The following FBXL7 variants were observed in gnomAD, a reference collection of about 807,000 sequenced individuals.
FBXL7 encodes the protein F-box/LRR-repeat protein 7.
In FBXL7, 12 loss-of-function variants were observed where a neutral mutation model predicts 38.3. That is an observed-to-expected ratio of 0.31 (90% CI 0.20 to 0.51). The LOEUF (loss-of-function observed/expected upper bound fraction) is 0.51, where lower values mean the gene tolerates loss of function less well. Ranked by LOEUF, FBXL7 falls within the 20% of genes least tolerant of loss-of-function variation. The pLI is 0.98. For synonymous variants in FBXL7, 297 were observed against 300.9 expected (o/e 0.99, Z 0.13); for missense variants, 567 against 676.4 (o/e 0.84, Z 1.79).
intron 2 of FBXL7, among the ~76,000 whole-genome samples, chr5:15,726,303 AG>A (rs1187820375): frequency 3.3e-5 from 5 of 152,250 alleles, no homozygotes; most frequent in Admixed American, 2.0e-4. Flanking sequence ...CTATTGTCCC[AG>A]CTACTCAAGA....
chr5:15,905,466 C>G (rs1457617061), intron 2 of FBXL7, among the ~76,000 whole-genome samples: 1 of 151,916 alleles, frequency 6.6e-6, no homozygotes, highest in African/African-American at 2.4e-5. Context: ...CACCCTGAGG[C>G]TTCCATCTGG....
intron 1 of FBXL7, among the ~76,000 whole-genome samples, chr5:15,556,373 T>C (rs1327436703): frequency 6.6e-6 from 1 of 152,106 alleles, no homozygotes; most frequent in African/African-American, 2.4e-5. Flanking sequence ...TTTGTTCATT[T>C]CAGGCCCTCC....
rs145770085 is a variant in FBXL7, at chr5:15,670,154, A to G, written c.127+54082A>G. ...ACCTTGGTTGAGTAGACTGATAAAT[A>G]TGTTGATATTTAATTGCATAGAGCA... is the stretch of plus-strand genomic sequence containing the variant. On this transcript the variant is annotated intron_variant, in intron 2 of 3. Transcript: ENST00000504595. Among the ~76,000 whole-genome samples the G allele has an allele frequency of 3.2e-3, 494 of 152,348 alleles. 1 individual carries two copies. The highest frequency in any genetic ancestry group is 5.5e-3 in the Non-Finnish European group (371 of 68,028).
intron 2 of FBXL7, among the ~76,000 whole-genome samples, chr5:15,860,497 G>T (rs1428974726): frequency 6.6e-6 from 1 of 152,170 alleles, no homozygotes; most frequent in Admixed American, 6.5e-5. Flanking sequence ...AAAAGTCCTA[G>T]TTGCACAGAT....
At chr5:15,606,780 T>A (rs1740040157) in intron 1 of FBXL7, 1 of 152,316 alleles carries the variant, frequency 6.6e-6, no homozygotes, top group East Asian at 1.9e-4. Flanking sequence ...CTGTCTCATG[T>A]TTTTTGCTCA....
chr5:15,929,191 C>A (rs1007991310), intron 3 of FBXL7, among the ~76,000 whole-genome samples: 3 of 152,192 alleles, frequency 2.0e-5, no homozygotes, highest in Non-Finnish European at 4.4e-5. Context: ...GATCACTTGC[C>A]ATTTTGTAGT....
chr5:15,641,604 G>C (rs575307689), intron 2 of FBXL7, among the ~76,000 whole-genome samples: 5 of 152,112 alleles, frequency 3.3e-5, no homozygotes, highest in Admixed American at 2.0e-4. Context: ...GGGTGTGTCT[G>C]AGTGTATTTC....
At chr5:15,771,177 C>T (rs565496010) in intron 2 of FBXL7, among the ~76,000 whole-genome samples, 2 of 152,278 alleles carry the variant, frequency 1.3e-5, no homozygotes, top group South Asian at 4.1e-4. Context: ...TTTTCAGTAC[C>T]TTTCAAGTCC....
At chr5:15,912,791 T>TGGCA (rs1381439768) in intron 2 of FBXL7, among the ~76,000 whole-genome samples, 1 of 152,100 alleles carries the variant, frequency 6.6e-6, no homozygotes, top group Non-Finnish European at 1.5e-5. Context: ...TTTGTGCTAT[T>TGGCA]TAATATTGGG....
rs149765433 is a variant in FBXL7, at chr5:15,782,813, G to T, written c.128-145077G>T. Among the ~76,000 whole-genome samples, 629 of 152,226 alleles carry T rather than the reference G, an allele frequency of 4.1e-3. 3 individuals are homozygous for T. Among genetic ancestry groups the T allele is most frequent in the Middle Eastern group, 0.017 (5 of 294 alleles). On this transcript the variant is annotated intron_variant, in intron 2 of 3. Coordinates refer to ENST00000504595, the MANE Select transcript of FBXL7 (RefSeq NM_012304.5). ...ATATTTTCTCCATTTTAATAGCCGA[G>T]GTTGGGATTGTGGGGGTGGCCAAAG... is the stretch of plus-strand genomic sequence containing the variant.
intron 2 of FBXL7, among the ~76,000 whole-genome samples, chr5:15,874,225 C>A (rs1272889525): frequency 6.6e-6 from 1 of 152,168 alleles, no homozygotes; most frequent in Non-Finnish European, 1.5e-5. Context: ...AACAGCCCTT[C>A]ATGCTAAAAA....
chr5:15,551,890 TAA>T (rs1359275793), intron 1 of FBXL7, among the ~76,000 whole-genome samples: 16 of 152,352 alleles, frequency 1.1e-4, no homozygotes, highest in Middle Eastern at 6.8e-3. Flanking sequence ...TTCTTTCTTG[TAA>T]AGAGTCCCTT....
intron 1 of FBXL7, among the ~76,000 whole-genome samples, chr5:15,554,490 G>T (rs1738175033): frequency 6.6e-6 from 1 of 152,168 alleles, no homozygotes; most frequent in African/African-American, 2.4e-5. Context: ...GTGAAGTGTA[G>T]GTACTTTTCT....
intron 2 of FBXL7, among the ~76,000 whole-genome samples, chr5:15,678,425 C>A (rs1434040178): frequency 6.6e-6 from 1 of 152,148 alleles, no homozygotes; most frequent in Non-Finnish European, 1.5e-5. Context: ...TGTAAGAAAG[C>A]ATGCCTTGAT....
At chr5:15,792,128 A>G (rs1022817744) in intron 2 of FBXL7, among the ~76,000 whole-genome samples, 2 of 152,188 alleles carry the variant, frequency 1.3e-5, no homozygotes, top group African/African-American at 4.8e-5. Flanking sequence ...ATATTCCTAA[A>G]GGCAGGAAAA....
chr5:15,678,655 T>C (rs1742737006), intron 2 of FBXL7, among the ~76,000 whole-genome samples: 1 of 152,186 alleles, frequency 6.6e-6, no homozygotes. Flanking sequence ...AATTGAATCA[T>C]GGGACTGGTT....
At chr5:15,521,028 C>T (rs1404212926) in intron 1 of FBXL7, among the ~76,000 whole-genome samples, 1 of 152,210 alleles carries the variant, frequency 6.6e-6, no homozygotes, top group Admixed American at 6.5e-5. Flanking sequence ...TGAGTTACAA[C>T]AGAGAGCGTA....
intron 2 of FBXL7, among the ~76,000 whole-genome samples, chr5:15,782,435 C>T (rs1253049011): frequency 6.6e-6 from 1 of 152,162 alleles, no homozygotes; most frequent in African/African-American, 2.4e-5. Context: ...TTAATTTACA[C>T]TCCCACCAAC....
chr5:15,802,539 T>A (rs1737597978), intron 2 of FBXL7, among the ~76,000 whole-genome samples: 1 of 152,154 alleles, frequency 6.6e-6, no homozygotes, highest in Admixed American at 6.6e-5. Context: ...TGAACACTTT[T>A]TCTCCTCACT....
Sources: gnomAD v4.1 joint callset for allele counts (sites outside exome capture counted in the v4.1 genomes callset) on GRCh38, gnomAD v4.1.1 for gene constraint, MANE v1.5 for transcripts, NCBI Gene and HGNC (gene_info 2026-07-23, HGNC 2026-07-21) for gene names.